SMOC1: variants seen among roughly 807,000 people sequenced by gnomAD.
SMOC1 encodes SPARC related modular calcium binding 1.
SMOC1 carries 22 observed loss-of-function variants against 56.3 expected under a neutral mutation model. The ratio of observed to expected loss-of-function variants is 0.39; its 90% CI spans 0.28 to 0.56. The LOEUF (loss-of-function observed/expected upper bound fraction) is 0.56, where lower values mean the gene tolerates loss of function less well. SMOC1 is among the 20% of genes least tolerant of loss of function. The pLI is 0.61. For synonymous variants in SMOC1, 193 were observed against 215.0 expected (o/e 0.90, Z 0.89); for missense variants, 509 against 565.4 (o/e 0.90, Z 1.01).
At position 69,887,210 on chromosome 14, in the gene SMOC1, G is replaced by T. The variant is rs1266583728; in HGVS notation, c.99+7433G>T. Among the ~76,000 whole-genome samples, 3 of 152,122 alleles carry T rather than the reference G, an allele frequency of 2.0e-5. No homozygotes were observed. In the East Asian group the frequency reaches 5.8e-4, roughly 29 times the overall value. On this transcript the variant is annotated intron_variant, in intron 1 of 11. Coordinates refer to ENST00000361956, the MANE Select transcript of SMOC1 (RefSeq NM_001034852.3). The stretch of plus-strand genomic sequence containing the variant: ...CTTGGCAATATGATATTAAGTGAAA[G>T]AAAATTACCAAAAGATACAGTAACT...
chr14:70,018,435 G>A (rs1483263190), intron 10 of SMOC1, among the ~76,000 whole-genome samples: 1 of 152,156 alleles, frequency 6.6e-6, no homozygotes, highest in Non-Finnish European at 1.5e-5. Flanking sequence ...AGTAGAATGG[G>A]GTGTCTGTGA....
intron 1 of SMOC1, among the ~76,000 whole-genome samples, chr14:69,940,329 G>C (rs983823771): frequency 6.6e-6 from 1 of 152,176 alleles, no homozygotes; most frequent in Non-Finnish European, 1.5e-5. Context: ...CCAGGGTCCG[G>C]TGGCACAGGA....
intron 5 of SMOC1, among the ~76,000 whole-genome samples, chr14:69,986,074 A>G (rs763354410): frequency 3.4e-4 from 51 of 152,236 alleles, no homozygotes; most frequent in Non-Finnish European, 6.6e-4. Context: ...CAGCAATAAA[A>G]AGGAATGAAT....
At chr14:69,969,454 G>A (rs1883681320) in intron 3 of SMOC1, among the ~76,000 whole-genome samples, 1 of 152,052 alleles carries the variant, frequency 6.6e-6, no homozygotes. Flanking sequence ...AGGAGCAGGA[G>A]CAGGAACAGG....
At chr14:69,904,553 C>T (rs936613096) in intron 1 of SMOC1, among the ~76,000 whole-genome samples, 2 of 152,230 alleles carry the variant, frequency 1.3e-5, no homozygotes, top group African/African-American at 4.8e-5. Flanking sequence ...AGCTCCTCTT[C>T]ATAGGCTCTC....
intron 1 of SMOC1, among the ~76,000 whole-genome samples, chr14:69,949,072 A>C (rs1010620691): frequency 1.3e-5 from 2 of 152,228 alleles, no homozygotes; most frequent in Non-Finnish European, 2.9e-5. Flanking sequence ...CTGAACATCC[A>C]GGTGAGACAG....
At chr14:70,021,532 C>T (rs769732600) in intron 10 of SMOC1, among the ~76,000 whole-genome samples, 80 of 152,316 alleles carry the variant, frequency 5.3e-4, no homozygotes, top group Admixed American at 2.4e-3. Flanking sequence ...CAGCTCTCCA[C>T]GGCTCCCTCA....
chr14:69,891,564 C>A (rs1339288499), intron 1 of SMOC1, among the ~76,000 whole-genome samples: 1 of 152,130 alleles, frequency 6.6e-6, no homozygotes, highest in East Asian at 1.9e-4. Flanking sequence ...TCCCTACCCC[C>A]TGAACTGCAT....
intron 9 of SMOC1, among the ~76,000 whole-genome samples, chr14:70,012,925 G>T (rs953381463): frequency 6.6e-6 from 1 of 152,300 alleles, no homozygotes; most frequent in Middle Eastern, 3.4e-3. Flanking sequence ...CTGGTGGTAG[G>T]TGTACTTAAG....
intron 1 of SMOC1, 51 bp downstream of exon 1, chr14:69,879,828 T>C: frequency 2.8e-6 from 4 of 1,449,580 alleles, no homozygotes; most frequent in Non-Finnish European, 3.7e-6. Flanking sequence ...GGGAGGTTGC[T>C]TCCCCCCTCA....
chr14:70,012,457 T>G (rs11158827), intron 9 of SMOC1, among the ~76,000 whole-genome samples: 1 of 152,090 alleles, frequency 6.6e-6, no homozygotes, highest in Non-Finnish European at 1.5e-5. Context: ...TATAGATAGT[T>G]GTGGTGGGTA....
chr14:69,976,339 A>G (rs747951526), intron 4 of SMOC1, among the ~76,000 whole-genome samples: 2 of 152,242 alleles, frequency 1.3e-5, no homozygotes, highest in Non-Finnish European at 2.9e-5. Context: ...TGACTGATCA[A>G]CAGCAATGTC....
chr14:69,886,981 T>C (rs1485744672), intron 1 of SMOC1, among the ~76,000 whole-genome samples: 2 of 152,226 alleles, frequency 1.3e-5, no homozygotes, highest in Non-Finnish European at 2.9e-5. Flanking sequence ...ACATTTCTTA[T>C]GGCCCAGCAA....
chr14:69,908,493 G>A (rs539372630), intron 1 of SMOC1, among the ~76,000 whole-genome samples: 6 of 152,250 alleles, frequency 3.9e-5, no homozygotes, highest in African/African-American at 1.4e-4. Context: ...GGTGGCTGCT[G>A]TGCTGGAGGG....
At chr14:69,887,043 G>GT (rs1271221166) in intron 1 of SMOC1, among the ~76,000 whole-genome samples, 1 of 152,160 alleles carries the variant, frequency 6.6e-6, no homozygotes. Context: ...GTGCAACTAT[G>GT]TTTATAATAT....
At chr14:69,945,515 A>G (rs756768377) in intron 1 of SMOC1, among the ~76,000 whole-genome samples, 1 of 152,210 alleles carries the variant, frequency 6.6e-6, no homozygotes, top group Non-Finnish European at 1.5e-5. Flanking sequence ...CAAGCTCCCA[A>G]CTGAGTGAAG....
At chr14:70,017,312 C>A (rs1409328875) in intron 10 of SMOC1, among the ~76,000 whole-genome samples, 2 of 152,120 alleles carry the variant, frequency 1.3e-5, no homozygotes, top group Non-Finnish European at 2.9e-5. Context: ...GCAGACAGAC[C>A]CTGGCCAGTT....
chr14:69,958,219 C>G (rs1883257269), intron 3 of SMOC1, among the ~76,000 whole-genome samples: 1 of 152,114 alleles, frequency 6.6e-6, no homozygotes, highest in Non-Finnish European at 1.5e-5. Flanking sequence ...TATGATTGCA[C>G]CTGTGAATAG....
intron 5 of SMOC1, among the ~76,000 whole-genome samples, chr14:69,986,691 T>G (rs925234560): frequency 3.9e-5 from 6 of 152,212 alleles, no homozygotes; most frequent in Non-Finnish European, 8.8e-5. Flanking sequence ...CTGCTGCCGG[T>G]GCTTCCTCTT....
Sources: gnomAD v4.1 joint callset for allele counts (sites outside exome capture counted in the v4.1 genomes callset) on GRCh38, gnomAD v4.1.1 for gene constraint, MANE v1.5 for transcripts, NCBI Gene and HGNC (gene_info 2026-07-23, HGNC 2026-07-21) for gene names.